C9: variants seen among roughly 807,000 people sequenced by gnomAD.
C9 encodes the protein complement C9, also known as complement component C9.
In C9, 63 loss-of-function variants were observed where a neutral mutation model predicts 65.4. That is an observed-to-expected ratio of 0.96 (90% CI 0.79 to 1.19). The LOEUF (loss-of-function observed/expected upper bound fraction) is 1.19, where lower values mean the gene tolerates loss of function less well. Ranked by LOEUF, C9 falls within the 50% of genes most tolerant of loss-of-function variation. C9 has a pLI of 0.00. For missense variants in C9, 744 were observed against 670.1 expected (o/e 1.11, Z -1.22); for synonymous variants, 229 against 227.9 (o/e 1.00, Z -0.04).
At chr5:39,297,693 T>A (rs1753210046) in intron 9 of C9, among the ~76,000 whole-genome samples, 1 of 151,580 alleles carries the variant, frequency 6.6e-6, no homozygotes, top group Admixed American at 6.6e-5. Context: ...ATGCACCCAA[T>A]GACAGAACTT....
chr5:39,311,307 A>G lies in C9; in HGVS notation c.941T>C (p.Val314Ala). 3 of 1,613,326 alleles carry G rather than the reference A, an allele frequency of 1.9e-6. No individual in the cohort carries two copies. Among genetic ancestry groups the G allele is most frequent in the Non-Finnish European group, 1.7e-6 (2 of 1,179,334 alleles). ...GRFVMRNRDVVLTTTFVDDIK... is the reference protein window; with the variant it reads ...GRFVMRNRDVALTTTFVDDIK... ...ATCATCCACAAAAGTTGTTGTGAGC[A>G]CAACATCGCGATTTCTCATTACAAA... The change falls in exon 7 of 11, where the codon GTG becomes GCG. Residue 314 changes from valine to alanine, a missense_variant. By Grantham distance (64) the Val-to-Ala change is moderately conservative. Coordinates refer to ENST00000263408, the MANE Select transcript of C9 (RefSeq NM_001737.5).
chr5:39,341,429 A>G, intron 3 of C9, 127 bp downstream of exon 3: 1 of 1,417,622 alleles, frequency 7.1e-7, no homozygotes, highest in Non-Finnish European at 1.0e-6. Context: ...CAGAATATAT[A>G]GATGGCCTCT....
chr5:39,348,526 T>C (rs1754252691), intron 1 of C9, among the ~76,000 whole-genome samples: 1 of 152,116 alleles, frequency 6.6e-6, no homozygotes, highest in Admixed American at 6.5e-5. Flanking sequence ...AAACAACTGG[T>C]GCTGGAGAGG....
intron 4 of C9, among the ~76,000 whole-genome samples, chr5:39,336,813 T>C (rs1753976664): frequency 6.6e-6 from 1 of 152,112 alleles, no homozygotes; most frequent in South Asian, 2.1e-4. Context: ...CTGAGTTATA[T>C]ACCAAAAAGA....
At position 39,284,996 on chromosome 5, in the gene C9, C is replaced by G. The variant is rs1483314368; in HGVS notation, c.*203G>C. 1 of 531,670 alleles carries G rather than the reference C, an allele frequency of 1.9e-6. No individual in the cohort carries two copies. Among genetic ancestry groups the G allele is most frequent in the African/African-American group, 1.9e-5 (1 of 51,496 alleles). 32.9% of individuals were successfully genotyped at this position (531,670 alleles called of 1,614,324 possible). The stretch of plus-strand genomic sequence containing the variant: ...TCACTGTTGACTTCTCATTAGGGAA[C>G]AAAAAATGGAAACATCACAGGAGTT... On this transcript the variant is annotated 3_prime_UTR_variant, in exon 11 of 11. Transcript: ENST00000263408.
At chr5:39,296,966 A>G (rs1212545460) in intron 9 of C9, among the ~76,000 whole-genome samples, 1 of 151,560 alleles carries the variant, frequency 6.6e-6, no homozygotes, top group Non-Finnish European at 1.5e-5. Flanking sequence ...AATAAAGGCC[A>G]TATATGACAA....
chr5:39,331,917 G>C (rs1011270160), intron 4 of C9, 103 bp from the exon 5 acceptor site: 2 of 948,046 alleles, frequency 2.1e-6, no homozygotes, highest in East Asian at 4.8e-5. Flanking sequence ...TCATGTCACC[G>C]TCACCCAATA....
At position 39,308,242 on chromosome 5, in the gene C9, C is replaced by G. The variant is rs775963620; in HGVS notation, c.1228G>C (p.Glu410Gln). 3.7e-6 allele frequency: 6 copies of G among 1,613,276 alleles called. No homozygotes were observed. The highest frequency in any genetic ancestry group is 5.1e-6 in the Non-Finnish European group (6 of 1,179,318). ...FNKDDCVKRGEGRAVNITSEN... is the reference protein window; with the variant it reads ...FNKDDCVKRGQGRAVNITSEN... ...AGGCCACACTTACCAGCTCTACCCT[C>G]TCCCCTCTTTACACAATCATCTTTA... Residue 410 changes from glutamate to glutamine, a missense_variant, in exon 8 of 11, where the codon GAG (glutamate) becomes CAG (glutamine). Coordinates refer to ENST00000263408, the MANE Select transcript of C9 (RefSeq NM_001737.5).
In C9 at chr5:39,341,632, G is replaced by A. The variant is rs941810772; in HGVS notation, c.252C>T (p.Asp84=). The A allele has an allele frequency of 3.7e-6, 6 of 1,613,540 alleles. No individual in the cohort carries two copies. The African/African-American group carries it at 8.0e-5, about 22-fold the overall frequency. Residue 84 remains aspartate (D), a synonymous_variant, in exon 3 of 11, where the codon GAC becomes GAT. Coordinates refer to ENST00000263408, the MANE Select transcript of C9 (RefSeq NM_001737.5). ...NGKRCTDAVG[D]RRQCVPTEPC... ...GCTCTGTGGGCACACACTGTCGTCT[G>A]TCTCCCACAGCGTCGGTGCATCTTT...
chr5:39,355,985 G>A (rs572553961), intron 1 of C9, among the ~76,000 whole-genome samples: 2 of 152,158 alleles, frequency 1.3e-5, no homozygotes, highest in African/African-American at 2.4e-5. Context: ...CACATTAATA[G>A]GTATTGGGGG....
chr5:39,311,804 A>G (rs952486539), intron 6 of C9, among the ~76,000 whole-genome samples: 10 of 152,218 alleles, frequency 6.6e-5, no homozygotes, highest in African/African-American at 2.2e-4. Flanking sequence ...AGAAATCAAT[A>G]AACAACCATA....
In C9 at chr5:39,288,801, C is replaced by A. The variant is rs981293200; in HGVS notation, c.1567G>T (p.Asp523Tyr). 1 of 1,612,452 alleles carries A rather than the reference C, an allele frequency of 6.2e-7. No individual in the cohort carries two copies. The highest frequency in any genetic ancestry group is 8.5e-7 in the Non-Finnish European group (1 of 1,178,882). ...CQNGGTVILMDGKCLCACPFK... is the reference protein window; with the variant it reads ...CQNGGTVILMYGKCLCACPFK... ...GGGCAGGCACACAAACACTTTCCAT[C>A]CATTAGAATCACTGTACCTCCATTT... The change falls in exon 10 of 11, where the codon GAT becomes TAT. Residue 523 changes from aspartate to tyrosine, a missense_variant. Asp to Tyr is a radical substitution (Grantham distance 160, BLOSUM62 -3). Transcript: ENST00000263408.
At chr5:39,355,489 G>A (rs1421094) in intron 1 of C9, among the ~76,000 whole-genome samples, 55,460 of 151,596 alleles carry the variant, frequency 0.37, 10,144 homozygotes, top group Middle Eastern at 0.48. Flanking sequence ...TATGACTCAC[G>A]CTTGGGACTT....
chr5:39,291,634 A>C (rs527381), intron 9 of C9, among the ~76,000 whole-genome samples: 1 of 151,946 alleles, frequency 6.6e-6, no homozygotes, highest in Admixed American at 6.6e-5. Context: ...ATTGCTAAAA[A>C]AACAAAACCC....
intron 5 of C9, among the ~76,000 whole-genome samples, chr5:39,320,838 A>G (rs946958538): frequency 6.6e-6 from 1 of 152,180 alleles, no homozygotes; most frequent in African/African-American, 2.4e-5. Flanking sequence ...ATGTTTCAGC[A>G]AAAGCCTTGA....
At position 39,311,360 on chromosome 5, in the gene C9, AT is replaced by A. The variant is rs769246903; in HGVS notation, c.887del (p.His296LeufsTer2). ...TTCCCAGATGAATTTCTCCTTTCAC[AT>A]GCAGAAACATTTTTTCCTGTGTTGT... ...YSSKKEKMFL[H>X]VKGEIHLGRF... On this transcript the variant is annotated frameshift_variant, in exon 7 of 11. Transcript: ENST00000263408. LOFTEE classifies it high-confidence loss of function. 2.3e-5 allele frequency: 37 copies of A among 1,612,244 alleles called. No individual in the cohort carries two copies. Among genetic ancestry groups the A allele is most frequent in the Non-Finnish European group, 3.1e-5 (37 of 1,178,966 alleles).
chr5:39,342,556 T>C (rs1258835161), intron 1 of C9, among the ~76,000 whole-genome samples: 1 of 152,162 alleles, frequency 6.6e-6, no homozygotes, highest in Admixed American at 6.5e-5. Context: ...TCTGATTTTA[T>C]TTTTTTGTGT....
intron 4 of C9, 59 bp from the exon 5 acceptor site, chr5:39,331,873 C>T: frequency 6.7e-7 from 1 of 1,485,000 alleles, no homozygotes; most frequent in Admixed American, 1.7e-5. Context: ...GCAAGGCAGC[C>T]CTCTGTAGCT....
chr5:39,296,868 T>A (rs1253373844), intron 9 of C9, among the ~76,000 whole-genome samples: 3 of 150,400 alleles, frequency 2.0e-5, no homozygotes, highest in Admixed American at 2.0e-4. Flanking sequence ...CTCTTATATG[T>A]GGAAGCTAAA....
Sources: allele counts gnomAD v4.1 joint callset (sites outside exome capture counted in the v4.1 genomes callset), GRCh38; gene constraint gnomAD v4.1.1; transcripts MANE v1.5; gene names NCBI Gene and HGNC (gene_info 2026-07-23, HGNC 2026-07-21).